Variants in DAAM2 observed in about 807,000 individuals in gnomAD.
DAAM2 encodes the protein disheveled-associated activator of morphogenesis 2.
In DAAM2, 39 loss-of-function variants were observed where a neutral mutation model predicts 120.7. The observed-to-expected ratio is 0.32, with a 90% confidence interval of 0.25 to 0.42. The LOEUF (loss-of-function observed/expected upper bound fraction) is 0.42. Among genes scored for constraint, DAAM2 ranks in the 10% least tolerant of loss-of-function variants. The pLI, the probability that DAAM2 is intolerant of heterozygous loss-of-function variation, is 1.00. For missense variants in DAAM2, 1,283 were observed against 1,401.7 expected, an observed-to-expected ratio of 0.92 and a Z score of 1.35; for synonymous variants, 488 against 524.9, an observed-to-expected ratio of 0.93 and a Z score of 0.96.
chr6:39,837,393 CA>C (rs1184448568), intron 1 of DAAM2, among the ~76,000 whole-genome samples: 2 of 152,150 alleles, frequency 1.3e-5, no homozygotes, highest in African/African-American at 4.8e-5. Context: ...ATCCTTCCAA[CA>C]GCTCTATCAT....
chr6:39,834,114 A>G (rs1293836455), intron 1 of DAAM2, among the ~76,000 whole-genome samples: 1 of 152,148 alleles, frequency 6.6e-6, no homozygotes, highest in Non-Finnish European at 1.5e-5. Flanking sequence ...GCTCTTTAGC[A>G]CTCAGTGACG....
Position 39,829,834 on chromosome 6 carries a change from G to A in DAAM2, c.-56-26413G>A, listed in dbSNP as rs1046295616. ...TGAAGCTGGCACCCTCCCCAGAGCCGTTCTGAGCCGGCCCCTTGGTGGGAA... is the reference window on the plus strand; with the variant it reads ...TGAAGCTGGCACCCTCCCCAGAGCCATTCTGAGCCGGCCCCTTGGTGGGAA... On this transcript the variant is annotated intron_variant, in intron 1 of 24. Transcript: ENST00000274867. Among the ~76,000 whole-genome samples the A allele has an allele frequency of 7.9e-5, 12 of 152,138 alleles. 1 individual carries two copies. The South Asian group carries it at 1.5e-3, about 18-fold the overall frequency.
intron 1 of DAAM2, chr6:39,819,638 T>C (rs1185745502): frequency 1.3e-5 from 2 of 152,230 alleles, no homozygotes; most frequent in African/African-American, 4.8e-5. Context: ...AACAATAGAC[T>C]TTGGATGATG....
In DAAM2 at chr6:39,895,227, C is replaced by T. The variant is rs62401852; in HGVS notation, c.2342-1585C>T. ...CTATTCATTTTTACAACTTTATTTA[C>T]TTATTTATTTATTTATTTATTTATT... On this transcript the variant is annotated intron_variant, in intron 19 of 24. Transcript: ENST00000274867. 6.3e-4 allele frequency among the ~76,000 whole-genome samples: 87 copies of T among 137,750 alleles called. 1 individual carries two copies. The highest frequency in any genetic ancestry group is 5.5e-3 in the East Asian group (24 of 4,342). 90.4% of individuals were successfully genotyped at this position (137,750 alleles called of 152,430 possible).
At chr6:39,824,591 C>G (rs572665118) in intron 1 of DAAM2, among the ~76,000 whole-genome samples, 15 of 152,258 alleles carry the variant, frequency 9.9e-5, no homozygotes, top group Non-Finnish European at 1.8e-4. Flanking sequence ...AAACAAACCC[C>G]ACATCCTTGA....
intron 1 of DAAM2, among the ~76,000 whole-genome samples, chr6:39,826,999 T>G (rs1762697658): frequency 6.6e-6 from 1 of 152,098 alleles, no homozygotes; most frequent in African/African-American, 2.4e-5. Flanking sequence ...GCTCACAATA[T>G]TTAGGGGAAA....
In DAAM2 at chr6:39,904,818, T is replaced by TAAGA. The variant is rs1554187380; in HGVS notation, c.*2783_*2786dup. On this transcript the variant is annotated 3_prime_UTR_variant, in exon 25 of 25. Coordinates refer to ENST00000274867, the MANE Select transcript of DAAM2 (RefSeq NM_001201427.2). The stretch of plus-strand genomic sequence containing the variant: ...TCCTTTTTCACTTGCACCTTTTTTA[T>TAAGA]AAGAATATATTGTAATACTAAAAAA... 2.2e-6 allele frequency: 1 copy of TAAGA among 454,124 alleles called. No homozygotes were observed. Among genetic ancestry groups the TAAGA allele is most frequent in the East Asian group, 6.9e-5 (1 of 14,394 alleles). The allele number at this position is 454,124 out of a possible 1,614,324, so 28.1% of individuals were successfully genotyped here.
At chr6:39,857,033 C>CCATT (rs1280647002) in intron 2 of DAAM2, among the ~76,000 whole-genome samples, 1 of 152,208 alleles carries the variant, frequency 6.6e-6, no homozygotes, top group Admixed American at 6.5e-5. Flanking sequence ...GGAAGCTCTG[C>CCATT]CATTCACACC....
At chr6:39,846,207 C>T (rs4406225) in intron 1 of DAAM2, among the ~76,000 whole-genome samples, 58,553 of 151,890 alleles carry the variant, frequency 0.39, 11,829 homozygotes, top group Non-Finnish European at 0.45. Flanking sequence ...TTTACCTGCA[C>T]GTACCCAGCC....
intron 14 of DAAM2, chr6:39,879,767 A>G (rs1178624419): frequency 3.8e-6 from 2 of 528,128 alleles, no homozygotes; most frequent in Non-Finnish European, 6.9e-6. Context: ...CAAGACAAAC[A>G]CTGAGTAGAA....
At chr6:39,805,121 A>T (rs570167773) in intron 1 of DAAM2, among the ~76,000 whole-genome samples, 1 of 152,346 alleles carries the variant, frequency 6.6e-6, no homozygotes, top group South Asian at 2.1e-4. Flanking sequence ...TATTAAGCCC[A>T]CAGCTGCATT....
chr6:39,843,151 C>T (rs960402978), intron 1 of DAAM2, among the ~76,000 whole-genome samples: 1 of 152,080 alleles, frequency 6.6e-6, no homozygotes, highest in African/African-American at 2.4e-5. Flanking sequence ...TCCTTTAGCT[C>T]TTATCAAGTT....
intron 1 of DAAM2, among the ~76,000 whole-genome samples, chr6:39,841,377 G>T (rs1763331685): frequency 6.7e-6 from 1 of 148,712 alleles, no homozygotes. Context: ...CCCAGGGGGA[G>T]GGTTCCAGGG....
In DAAM2 at chr6:39,871,589, G is replaced by A; in HGVS notation, c.1044+17G>A. 6.5e-7 allele frequency: 1 copy of A among 1,549,094 alleles called. No individual in the cohort carries two copies. Among genetic ancestry groups the A allele is most frequent in the Admixed American group, 2.0e-5 (1 of 50,992 alleles). ...TTTGACATGGTGAGGAGCCAGCAGGGTGGAGCGATTGCAATGGGGTAGTAG... is the reference window on the plus strand; with the variant it reads ...TTTGACATGGTGAGGAGCCAGCAGGATGGAGCGATTGCAATGGGGTAGTAG... On this transcript the variant is annotated intron_variant, in intron 9 of 24. Transcript: ENST00000274867.
In DAAM2 at chr6:39,888,694, C is replaced by A; in HGVS notation, c.2076C>A (p.Asn692Lys). The change falls in exon 17 of 25, where the codon AAC (asparagine) becomes AAA (lysine). Residue 692 changes from asparagine to lysine, a missense_variant. By Grantham distance (94) the Asn-to-Lys change is moderately conservative. Around this residue, in one of 3 missense-constraint regions of DAAM2, gnomAD observed 748 missense variants for 768.6 expected, o/e 0.97. Coordinates refer to ENST00000274867, the MANE Select transcript of DAAM2 (RefSeq NM_001201427.2). ...IILLSKLKLS[N>K]EEIRQAILKM... is the part of the protein sequence containing the mutation. ...TTTGCCTTAGGTTGAAGCTTTCTAA[C>A]GAGGAGATCCGGCAGGCCATCTTGA... is the stretch of plus-strand genomic sequence containing the variant. 6.2e-7 allele frequency: 1 copy of A among 1,613,186 alleles called. No homozygotes were observed. The highest frequency in any genetic ancestry group is 8.5e-7 in the Non-Finnish European group (1 of 1,179,414).
chr6:39,829,212 C>A (rs150650629), intron 1 of DAAM2, among the ~76,000 whole-genome samples: 1 of 152,188 alleles, frequency 6.6e-6, no homozygotes, highest in Non-Finnish European at 1.5e-5. Flanking sequence ...GCCTGGGGAG[C>A]GGGCTGTGTG....
intron 14 of DAAM2, among the ~76,000 whole-genome samples, chr6:39,882,489 T>A (rs1462545560): frequency 6.6e-6 from 1 of 152,022 alleles, no homozygotes; most frequent in African/African-American, 2.4e-5. Flanking sequence ...GCTTTACCTC[T>A]GCAGGCTTCT....
In DAAM2 at chr6:39,903,319, G is replaced by C. The variant is rs574971298; in HGVS notation, c.*1282G>C. 1.4e-4 allele frequency: 21 copies of C among 152,392 alleles called. No homozygotes were observed. The East Asian group carries it at 3.5e-3, about 25-fold the overall frequency. The allele number at this position is 152,392 out of a possible 1,614,324, so 9.4% of individuals were successfully genotyped here. A position where few individuals can be genotyped will look rare whatever the true frequency, so the allele number is the denominator to read the frequency against. ...CCTCTGGGGAGCACATCACCTGAAG[G>C]TGCCAAGGAGGAAGGCTGAGAGGGG... On this transcript the variant is annotated 3_prime_UTR_variant, in exon 25 of 25. Coordinates refer to ENST00000274867, the MANE Select transcript of DAAM2 (RefSeq NM_001201427.2).
chr6:39,851,052 G>C (rs1188093477), intron 1 of DAAM2, among the ~76,000 whole-genome samples: 1 of 152,160 alleles, frequency 6.6e-6, no homozygotes, highest in Non-Finnish European at 1.5e-5. Flanking sequence ...ATTTTTATCT[G>C]TAAGAGGGTA....
Sources: gnomAD v4.1 joint callset for allele counts (sites outside exome capture counted in the v4.1 genomes callset) on GRCh38, gnomAD v4.1.1 for gene constraint, gnomAD v4.1.1 regional missense constraint, MANE v1.5 for transcripts, NCBI Gene and HGNC (gene_info 2026-07-23, HGNC 2026-07-21) for gene names.